The following SPATS2L variants were observed in gnomAD, a reference collection of about 807,000 sequenced individuals.
The protein encoded by SPATS2L is SPATS2-like protein.
A neutral mutation model predicts 59.6 loss-of-function variants in SPATS2L; 30 were observed. That is an observed-to-expected ratio of 0.50 (90% CI 0.38 to 0.68). SPATS2L has a LOEUF of 0.68. Ranked by LOEUF, SPATS2L falls within the 30% of genes least tolerant of loss-of-function variation. The pLI, the probability that SPATS2L is intolerant of heterozygous loss-of-function variation, is 0.00. For synonymous variants in SPATS2L, 252 were observed against 263.5 expected, an observed-to-expected ratio of 0.96 and a Z score of 0.42; for missense variants, 615 against 700.0, an observed-to-expected ratio of 0.88 and a Z score of 1.37.
At chr2:200,308,166 G>C (rs1183527131) in intron 1 of SPATS2L, among the ~76,000 whole-genome samples, 2 of 150,600 alleles carry the variant, frequency 1.3e-5, no homozygotes, top group East Asian at 2.0e-4. Flanking sequence ...GACTGGTACT[G>C]TTTTCCAGAG....
intron 9 of SPATS2L, among the ~76,000 whole-genome samples, chr2:200,461,756 CA>C (rs2106195057): frequency 6.6e-6 from 1 of 152,300 alleles, no homozygotes; most frequent in Non-Finnish European, 1.5e-5. Context: ...CCAGATTCTT[CA>C]TTCTTTTTTA....
intron 6 of SPATS2L, among the ~76,000 whole-genome samples, chr2:200,430,248 T>G (rs1414662717): frequency 6.6e-6 from 1 of 152,224 alleles, no homozygotes; most frequent in Non-Finnish European, 1.5e-5. Flanking sequence ...ATTGAATTAT[T>G]AATGATAAAA....
At chr2:200,320,659 A>G (rs2079532907) in intron 1 of SPATS2L, among the ~76,000 whole-genome samples, 1 of 152,200 alleles carries the variant, frequency 6.6e-6, no homozygotes, top group Non-Finnish European at 1.5e-5. Flanking sequence ...GCATTGTGTC[A>G]CTAATGGATG....
At chr2:200,332,920 C>T (rs1441129753) in intron 2 of SPATS2L, among the ~76,000 whole-genome samples, 2 of 151,756 alleles carry the variant, frequency 1.3e-5, no homozygotes, top group Non-Finnish European at 2.9e-5. Context: ...GAATACTATA[C>T]AGCAGTAAAA....
At chr2:200,365,715 GGAAGCTTTCCTT>G (rs796944291) in intron 2 of SPATS2L, among the ~76,000 whole-genome samples, 4 of 152,134 alleles carry the variant, frequency 2.6e-5, no homozygotes, top group African/African-American at 9.6e-5. Context: ...ACATCCACCT[GGAAGCTTTCCTT>G]GACCCTCCTA....
intron 11 of SPATS2L, among the ~76,000 whole-genome samples, 184 bp downstream of exon 11, chr2:200,470,200 A>G (rs973662880): frequency 1.2e-4 from 18 of 152,236 alleles, no homozygotes; most frequent in Admixed American, 1.2e-3. Flanking sequence ...AGAGTCTTCA[A>G]ATGCCACTGC....
intron 2 of SPATS2L, among the ~76,000 whole-genome samples, chr2:200,355,999 T>C (rs1412544271): frequency 1.3e-5 from 2 of 152,196 alleles, no homozygotes; most frequent in African/African-American, 2.4e-5. Context: ...CTGAGAAATA[T>C]CTATGTAATG....
At chr2:200,390,366 A>G (rs1335829522) in intron 3 of SPATS2L, 1 of 152,302 alleles carries the variant, frequency 6.6e-6, no homozygotes, top group Non-Finnish European at 1.5e-5. Flanking sequence ...AATAAACACA[A>G]GAATATCTAA....
At chr2:200,424,185 G>A (rs1040582239) in intron 6 of SPATS2L, among the ~76,000 whole-genome samples, 4 of 152,138 alleles carry the variant, frequency 2.6e-5, no homozygotes, top group Non-Finnish European at 5.9e-5. Flanking sequence ...GCAAAGAGTA[G>A]ATCAAGATTT....
intron 6 of SPATS2L, among the ~76,000 whole-genome samples, chr2:200,424,132 C>T (rs1035200665): frequency 2.0e-5 from 3 of 152,064 alleles, no homozygotes; most frequent in Admixed American, 6.6e-5. Flanking sequence ...GGATCTTTTA[C>T]ATAATCCAAT....
chr2:200,409,945 C>T lies in SPATS2L; in HGVS notation c.40-2366C>T, dbSNP rs566032905. ...AAGTAGTGGTTTATTTTGTGTTTTG[C>T]CTTAACATAATACAACATTGTGTTT... On this transcript the variant is annotated intron_variant, in intron 3 of 12. Transcript: ENST00000409140. Among the ~76,000 whole-genome samples the T allele has an allele frequency of 1.3e-3, 193 of 152,116 alleles. 2 individuals are homozygous for T. The highest frequency in any genetic ancestry group is 2.2e-3 in the Non-Finnish European group (152 of 67,980).
intron 2 of SPATS2L, among the ~76,000 whole-genome samples, chr2:200,356,349 A>G (rs1275554569): frequency 6.6e-6 from 1 of 152,224 alleles, no homozygotes; most frequent in African/African-American, 2.4e-5. Context: ...GGCAATGAAC[A>G]TACAATGGGG....
intron 6 of SPATS2L, among the ~76,000 whole-genome samples, chr2:200,438,288 C>T (rs1321088996): frequency 6.7e-6 from 1 of 149,604 alleles, no homozygotes; most frequent in Non-Finnish European, 1.5e-5. Flanking sequence ...ATCAAAACTG[C>T]ACTCATCAAG....
chr2:200,332,921 A>G (rs2079999338), intron 2 of SPATS2L, among the ~76,000 whole-genome samples: 1 of 152,118 alleles, frequency 6.6e-6, no homozygotes, highest in Non-Finnish European at 1.5e-5. Flanking sequence ...AATACTATAC[A>G]GCAGTAAAAA....
chr2:200,477,714 G>C lies in SPATS2L; in HGVS notation c.1360G>C (p.Gly454Arg), dbSNP rs760826478. Residue 454 changes from glycine (G) to arginine (R), a missense_variant, in exon 13 of 13, where the codon GGC becomes CGC. This residue lies in a region of SPATS2L where 284 missense variants were observed against 280.1 expected (regional missense o/e 1.01). Coordinates refer to ENST00000409140, the MANE Select transcript of SPATS2L (RefSeq NM_001100423.2). ...NRLNGPAKSQ[G>R]SGNEAEPLGK... is the part of the protein sequence containing the mutation. ...GCTAAATGGGCCTGCCAAGTCGCAG[G>C]GCAGTGGGAATGAAGCCGAGCCACT... is the stretch of plus-strand genomic sequence containing the variant. 13 of 1,565,520 alleles carry C rather than the reference G, an allele frequency of 8.3e-6. No individual in the cohort carries two copies. In the East Asian group the frequency reaches 2.9e-4, roughly 34 times the overall value.
chr2:200,401,344 G>A (rs1011249476), intron 3 of SPATS2L, among the ~76,000 whole-genome samples: 1 of 152,118 alleles, frequency 6.6e-6, no homozygotes, highest in East Asian at 1.9e-4. Context: ...ATAGATTGTT[G>A]TTCTGAGCCA....
At chr2:200,378,313 G>T (rs2081671397) in intron 2 of SPATS2L, 1 of 1,002,584 alleles carries the variant, frequency 1.0e-6, no homozygotes, top group Non-Finnish European at 1.2e-6. Context: ...TCCTGAGAAA[G>T]CCAGTCGCTG....
chr2:200,320,783 G>T (rs1281477862), intron 1 of SPATS2L, among the ~76,000 whole-genome samples: 2 of 152,060 alleles, frequency 1.3e-5, no homozygotes, highest in African/African-American at 4.8e-5. Context: ...AACACATATG[G>T]TGCTTTCTGT....
intron 2 of SPATS2L, among the ~76,000 whole-genome samples, chr2:200,357,247 A>G (rs1182971384): frequency 1.3e-5 from 2 of 152,110 alleles, no homozygotes; most frequent in African/African-American, 2.4e-5. Flanking sequence ...CTGCTTCTGT[A>G]GGATCGGTTA....
Sources: allele counts gnomAD v4.1 joint callset (sites outside exome capture counted in the v4.1 genomes callset), GRCh38; gene constraint gnomAD v4.1.1; regional missense constraint gnomAD v4.1.1; transcripts MANE v1.5; gene names NCBI Gene and HGNC (gene_info 2026-07-23, HGNC 2026-07-21).